Variants in ZDHHC3 observed in about 807,000 individuals in gnomAD.
The protein encoded by ZDHHC3 is zDHHC palmitoyltransferase 3.
A neutral mutation model predicts 30.6 loss-of-function variants in ZDHHC3; 9 were observed. The ratio of observed to expected loss-of-function variants is 0.29; its 90% CI spans 0.18 to 0.51. The LOEUF is 0.51. ZDHHC3 is among the 20% of genes least tolerant of loss of function. The pLI, the probability that ZDHHC3 is intolerant of heterozygous loss-of-function variation, is 0.97. For missense variants in ZDHHC3, 246 were observed against 384.2 expected (o/e 0.64, Z 3.01); for synonymous variants, 136 against 140.2 (o/e 0.97, Z 0.21).
At chr3:44,955,937 C>T (rs1258399643) in intron 2 of ZDHHC3, among the ~76,000 whole-genome samples, 1 of 152,138 alleles carries the variant, frequency 6.6e-6, no homozygotes, top group Admixed American at 6.5e-5. Context: ...TTGACAAATT[C>T]TTCATTTTTG....
intron 3 of ZDHHC3, among the ~76,000 whole-genome samples, chr3:44,934,231 C>T (rs566259504): frequency 3.9e-5 from 6 of 152,192 alleles, no homozygotes; most frequent in East Asian, 3.9e-4. Context: ...ATACATAGGA[C>T]GGAACTGACA....
intron 1 of ZDHHC3, among the ~76,000 whole-genome samples, chr3:44,965,356 G>C (rs1704849291): frequency 6.6e-6 from 1 of 152,090 alleles, no homozygotes; most frequent in Non-Finnish European, 1.5e-5. Flanking sequence ...TGAGCCCCAG[G>C]GACTGGGTTG....
chr3:44,944,271 C>T (rs990668703), intron 3 of ZDHHC3, among the ~76,000 whole-genome samples: 5 of 152,118 alleles, frequency 3.3e-5, no homozygotes, highest in Non-Finnish European at 5.9e-5. Flanking sequence ...TTCGGCCTCC[C>T]GAATAGCTGG....
chr3:44,918,241 G>A lies in ZDHHC3; in HGVS notation c.*8448C>T, dbSNP rs987780315. ...CTATAGCATAGCAGTGGCGGGGGGG[G>A]GGGCGGGGTGTCCACGGCATGGGTA... On this transcript the variant is annotated 3_prime_UTR_variant, in exon 7 of 7. Coordinates refer to ENST00000424952, the MANE Select transcript of ZDHHC3 (RefSeq NM_001135179.2). 3.3e-6 allele frequency: 4 copies of A among 1,218,150 alleles called. No individual in the cohort carries two copies. The highest frequency in any genetic ancestry group is 4.2e-6 in the Non-Finnish European group (4 of 949,562). 75.5% of individuals were successfully genotyped at this position (1,218,150 alleles called of 1,614,324 possible). A position where few individuals can be genotyped will look rare whatever the true frequency, so the allele number is the denominator to read the frequency against.
chr3:44,943,287 T>C (rs755110277), intron 3 of ZDHHC3, among the ~76,000 whole-genome samples: 1 of 152,238 alleles, frequency 6.6e-6, no homozygotes, highest in Non-Finnish European at 1.5e-5. Context: ...CTGTCTCTAG[T>C]ACTCACTGCT....
chr3:44,942,772 T>A (rs904245612), intron 3 of ZDHHC3, among the ~76,000 whole-genome samples: 6 of 152,204 alleles, frequency 3.9e-5, no homozygotes, highest in African/African-American at 1.4e-4. Context: ...AGGAGAAAGC[T>A]GAGGCTCAGA....
intron 6 of ZDHHC3, 64 bp from the exon 7 acceptor site, chr3:44,926,911 T>C (rs748029900): frequency 2.0e-5 from 31 of 1,518,462 alleles, no homozygotes; most frequent in African/African-American, 2.8e-5. Context: ...TGGGGAGGGA[T>C]GTCCGCAGCG....
At chr3:44,951,293 C>T (rs1703425930) in intron 2 of ZDHHC3, among the ~76,000 whole-genome samples, 1 of 152,120 alleles carries the variant, frequency 6.6e-6, no homozygotes, top group South Asian at 2.1e-4. Flanking sequence ...CATGGCAGAA[C>T]TCCTTCCACA....
At chr3:44,965,889 T>C (rs928620416) in intron 1 of ZDHHC3, among the ~76,000 whole-genome samples, 2 of 152,194 alleles carry the variant, frequency 1.3e-5, no homozygotes, top group Middle Eastern at 6.3e-3. Flanking sequence ...TCAAAGTACT[T>C]TGTGAGGATT....
Position 44,920,161 on chromosome 3 carries a change from A to G in ZDHHC3, c.*6528T>C, listed in dbSNP as rs1700490688. ...AGAACAAAAATAGTTGTTTCAGAAA[A>G]TGGATCTTGTTGACACAAGTCTAAA... On this transcript the variant is annotated 3_prime_UTR_variant, in exon 7 of 7. Coordinates refer to ENST00000424952, the MANE Select transcript of ZDHHC3 (RefSeq NM_001135179.2). 7.9e-7 allele frequency: 1 copy of G among 1,267,748 alleles called. No homozygotes were observed. The highest frequency in any genetic ancestry group is 1.0e-6 in the Non-Finnish European group (1 of 973,162). The allele number at this position is 1,267,748 out of a possible 1,614,324, so 78.5% of individuals were successfully genotyped here. A position where few individuals can be genotyped will look rare whatever the true frequency, so the allele number is the denominator to read the frequency against.
At chr3:44,938,636 G>A (rs1702180519) in intron 3 of ZDHHC3, among the ~76,000 whole-genome samples, 1 of 152,182 alleles carries the variant, frequency 6.6e-6, no homozygotes, top group African/African-American at 2.4e-5. Context: ...GTGCAGAGTG[G>A]GCAATGGCAG....
intron 2 of ZDHHC3, among the ~76,000 whole-genome samples, chr3:44,948,839 A>C (rs1703182465): frequency 6.6e-6 from 1 of 152,220 alleles, no homozygotes; most frequent in Admixed American, 6.5e-5. Context: ...CTCCTGCCTC[A>C]GTGAGGACCT....
intron 2 of ZDHHC3, chr3:44,958,444 C>T: frequency 4.0e-6 from 3 of 757,938 alleles, no homozygotes; most frequent in Non-Finnish European, 6.8e-6. Flanking sequence ...ATAATGTATT[C>T]TCTTGCTTTT....
intron 3 of ZDHHC3, among the ~76,000 whole-genome samples, chr3:44,934,258 A>C (rs961757051): frequency 1.3e-5 from 2 of 152,186 alleles, no homozygotes; most frequent in Non-Finnish European, 2.9e-5. Flanking sequence ...CATGGCTAAG[A>C]TAGAACCTGC....
At chr3:44,958,836 G>A (rs1259992593) in intron 2 of ZDHHC3, among the ~76,000 whole-genome samples, 2 of 152,178 alleles carry the variant, frequency 1.3e-5, no homozygotes, top group African/African-American at 4.8e-5. Context: ...TTTAACCAGA[G>A]GCCAGGTTTC....
chr3:44,925,921 A>T lies in ZDHHC3; in HGVS notation c.*768T>A. ...AACGTAGCTTGCCTGAAATTGTGTA[A>T]TTTTTTTTCCTCTTGATTGTATAAG... On this transcript the variant is annotated 3_prime_UTR_variant, in exon 7 of 7. Coordinates refer to ENST00000424952, the MANE Select transcript of ZDHHC3 (RefSeq NM_001135179.2). The T allele has an allele frequency of 4.1e-6, 4 of 985,562 alleles. No homozygotes were observed. Among genetic ancestry groups the T allele is most frequent in the Non-Finnish European group, 4.8e-6 (4 of 829,872 alleles). 61.1% of individuals were successfully genotyped at this position (985,562 alleles called of 1,614,324 possible).
intron 1 of ZDHHC3, among the ~76,000 whole-genome samples, chr3:44,972,186 G>A (rs1399217176): frequency 6.6e-6 from 1 of 152,134 alleles, no homozygotes; most frequent in Non-Finnish European, 1.5e-5. Context: ...TCTATGGCTG[G>A]GCATGGTGGC....
rs1701001318 is a variant in ZDHHC3, at chr3:44,926,501, G to A, written c.*188C>T. Reference sequence around the variant, plus strand: ...GGTCACCAAAAGAAATCGAAAGGATGGTTTTTAAAAAATAAAATGTGGGGA... The same window carrying A: ...GGTCACCAAAAGAAATCGAAAGGATAGTTTTTAAAAAATAAAATGTGGGGA... On this transcript the variant is annotated 3_prime_UTR_variant, in exon 7 of 7. Coordinates refer to ENST00000424952, the MANE Select transcript of ZDHHC3 (RefSeq NM_001135179.2). 7.8e-7 allele frequency: 1 copy of A among 1,282,224 alleles called. No homozygotes were observed. The highest frequency in any genetic ancestry group is 3.8e-5 in the Admixed American group (1 of 26,330). The allele number at this position is 1,282,224 out of a possible 1,614,324, so 79.4% of individuals were successfully genotyped here. A position where few individuals can be genotyped will look rare whatever the true frequency, so the allele number is the denominator to read the frequency against.
chr3:44,974,768 T>C (rs1332956579), intron 1 of ZDHHC3, among the ~76,000 whole-genome samples: 2 of 152,220 alleles, frequency 1.3e-5, no homozygotes, highest in African/African-American at 2.4e-5. Context: ...ATCATCAATT[T>C]TGGAGCTCAG....
Sources: allele counts gnomAD v4.1 joint callset (sites outside exome capture counted in the v4.1 genomes callset), GRCh38; gene constraint gnomAD v4.1.1; transcripts MANE v1.5; gene names NCBI Gene and HGNC (gene_info 2026-07-23, HGNC 2026-07-21).